Variants in KCNQ3 observed in about 807,000 individuals in gnomAD.
KCNQ3 encodes the protein potassium voltage-gated channel subfamily KQT member 3.
KCNQ3 carries 30 observed loss-of-function variants against 92.5 expected under a neutral mutation model. The ratio of observed to expected loss-of-function variants is 0.32; its 90% confidence interval spans 0.24 to 0.44. The LOEUF is 0.44. Among genes scored for constraint, KCNQ3 ranks in the 20% least tolerant of loss-of-function variants. KCNQ3 has a pLI of 1.00. For missense variants in KCNQ3, 913 were observed against 1,140.3 expected (o/e 0.80, Z 2.87); for synonymous variants, 450 against 468.8 (o/e 0.96, Z 0.52).
In KCNQ3 at chr8:132,206,236, C is replaced by T. The variant is rs78272194; in HGVS notation, c.387-20055G>A. ...CCACCCTATATCACCTGGGTTTCCA[C>T]AGCCTCCCAGCCCTCTAATTCTGCC... On this transcript the variant is annotated intron_variant, in intron 1 of 14. Transcript: ENST00000388996. 6.2e-3 allele frequency among the ~76,000 whole-genome samples: 949 copies of T among 152,246 alleles called. 4 individuals carry two copies. The highest frequency in any genetic ancestry group is 0.031 in the Middle Eastern group (9 of 294).
chr8:132,134,469 G>T, intron 12 of KCNQ3, 81 bp from the exon 13 acceptor site: 2 of 986,728 alleles, frequency 2.0e-6, no homozygotes, highest in Non-Finnish European at 1.6e-6. Flanking sequence ...ATTCTCTCTA[G>T]AATGAGATAA....
intron 1 of KCNQ3, among the ~76,000 whole-genome samples, chr8:132,219,952 C>A (rs1814167121): frequency 6.6e-6 from 1 of 152,044 alleles, no homozygotes; most frequent in African/African-American, 2.4e-5. Context: ...CTGAGGTCCC[C>A]CAGAAAGATA....
At chr8:132,193,323 T>A (rs574907119) in intron 1 of KCNQ3, among the ~76,000 whole-genome samples, 1 of 152,140 alleles carries the variant, frequency 6.6e-6, no homozygotes, top group South Asian at 2.1e-4. Flanking sequence ...CAAGCCCAGG[T>A]TGGGGAGGAC....
chr8:132,389,874 T>A (rs919561507), intron 1 of KCNQ3, among the ~76,000 whole-genome samples: 8 of 152,316 alleles, frequency 5.3e-5, no homozygotes, highest in African/African-American at 1.9e-4. Flanking sequence ...CATTATGTAA[T>A]GTATTTGAAG....
intron 1 of KCNQ3, among the ~76,000 whole-genome samples, chr8:132,472,391 A>T (rs1162335732): frequency 6.6e-6 from 1 of 152,212 alleles, no homozygotes; most frequent in Non-Finnish European, 1.5e-5. Context: ...AGATAAAGAA[A>T]ATATGGTATA....
At position 132,140,143 on chromosome 8, in the gene KCNQ3, C is replaced by T. The variant is rs1159336382; in HGVS notation, c.1501G>A (p.Gly501Ser). The T allele has an allele frequency of 6.2e-7, 1 of 1,613,454 alleles. No individual in the cohort carries two copies. Among genetic ancestry groups the T allele is most frequent in the Non-Finnish European group, 8.5e-7 (1 of 1,179,880 alleles). The change falls in exon 11 of 15, where the codon GGC (glycine) becomes AGC (serine). Residue 501 changes from glycine to serine, a missense_variant. Physicochemically the swap from Gly to Ser is moderately conservative, Grantham distance 56. Around this residue, in one of 6 missense-constraint regions of KCNQ3, gnomAD observed 182 missense variants for 234.5 expected, o/e 0.78. Transcript: ENST00000388996. ...GTGDPMAEDR[G>S]YGNDFPIEDM... ...TCGATGGGGAAGTCATTCCCATAGC[C>T]CCTGTCTTCCGCCATGGGGTCACCT...
chr8:132,466,257 C>A (rs1368082514), intron 1 of KCNQ3, among the ~76,000 whole-genome samples: 1 of 151,880 alleles, frequency 6.6e-6, no homozygotes, highest in Non-Finnish European at 1.5e-5. Context: ...ATCATCACAA[C>A]CCTTAGGCTT....
intron 6 of KCNQ3, among the ~76,000 whole-genome samples, chr8:132,173,745 C>T (rs879642440): frequency 6.6e-6 from 1 of 152,170 alleles, no homozygotes; most frequent in Non-Finnish European, 1.5e-5. Context: ...GGAAGTTACT[C>T]TATCATAGGT....
At chr8:132,309,343 C>T (rs182491687) in intron 1 of KCNQ3, among the ~76,000 whole-genome samples, 1 of 152,318 alleles carries the variant, frequency 6.6e-6, no homozygotes, top group East Asian at 1.9e-4. Context: ...CTCATTAATT[C>T]ATTATTCCAC....
At chr8:132,388,343 T>C (rs1485227109) in intron 1 of KCNQ3, among the ~76,000 whole-genome samples, 1 of 152,206 alleles carries the variant, frequency 6.6e-6, no homozygotes, top group East Asian at 1.9e-4. Flanking sequence ...CTTCTAGGAA[T>C]ACATTCTGAA....
intron 1 of KCNQ3, among the ~76,000 whole-genome samples, chr8:132,458,643 C>T (rs377135012): frequency 2.1e-3 from 313 of 152,202 alleles, no homozygotes; most frequent in African/African-American, 7.2e-3. Flanking sequence ...TTAGTAGAGA[C>T]GGGGTTTCGC....
intron 9 of KCNQ3, among the ~76,000 whole-genome samples, chr8:132,150,949 C>T (rs62519563): frequency 0.051 from 7,658 of 149,560 alleles, 313 homozygotes; most frequent in Non-Finnish European, 0.074. Context: ...TTTCACGTGG[C>T]TTTAATCGTT....
At chr8:132,403,659 G>C (rs1160467236) in intron 1 of KCNQ3, among the ~76,000 whole-genome samples, 1 of 152,122 alleles carries the variant, frequency 6.6e-6, no homozygotes, top group East Asian at 1.9e-4. Context: ...ATTTCCACCA[G>C]CCATCATCTA....
chr8:132,319,759 C>T (rs1817847688), intron 1 of KCNQ3, among the ~76,000 whole-genome samples: 1 of 152,218 alleles, frequency 6.6e-6, no homozygotes. Flanking sequence ...ATGTAATGGG[C>T]TTTCCATCGC....
At chr8:132,337,613 C>T (rs76330119) in intron 1 of KCNQ3, among the ~76,000 whole-genome samples, 5,459 of 152,128 alleles carry the variant, frequency 0.036, 315 homozygotes, top group African/African-American at 0.12. Context: ...TGTTGATTAA[C>T]GGTTTGGGAC....
chr8:132,154,193 GTTTTTTTTTTTTTTT>G lies in KCNQ3; in HGVS notation c.1262+9260_1262+9274del, dbSNP rs869112851. On this transcript the variant is annotated intron_variant, in intron 9 of 14. Coordinates refer to ENST00000388996, the MANE Select transcript of KCNQ3 (RefSeq NM_004519.4). ...CTGATGTACCATCAAAAGGGTAAAA[GTTTTTTTTTTTTTTT>G]TTTTTTTTTTTTTTTAGCCAATCAG... Among the ~76,000 whole-genome samples, 70 of 27,492 alleles carry G rather than the reference GTTTTTTTTTTTTTTT, an allele frequency of 2.5e-3. 1 individual carries two copies. The South Asian group carries it at 0.089, about 35-fold the overall frequency. The allele number at this position is 27,492 out of a possible 152,430, so 18.0% of individuals were successfully genotyped here.
intron 1 of KCNQ3, among the ~76,000 whole-genome samples, chr8:132,296,015 A>G (rs375465742): frequency 2.0e-5 from 3 of 152,258 alleles, no homozygotes; most frequent in Non-Finnish European, 4.4e-5. Flanking sequence ...CATGTTGTGC[A>G]CATGAATCCC....
chr8:132,461,654 C>T lies in KCNQ3; in HGVS notation c.386+18493G>A, dbSNP rs142683132. The stretch of plus-strand genomic sequence containing the variant: ...TTCCCATCAGCAATGAATCACAGTT[C>T]CTGTTGCCCTACATCCTTGTCAACA... On this transcript the variant is annotated intron_variant, in intron 1 of 14. Transcript: ENST00000388996. Among the ~76,000 whole-genome samples, 424 of 152,342 alleles carry T rather than the reference C, an allele frequency of 2.8e-3. 1 individual carries two copies. The highest frequency in any genetic ancestry group is 9.9e-3 in the African/African-American group (410 of 41,584).
chr8:132,262,036 T>C (rs1040828118), intron 1 of KCNQ3, among the ~76,000 whole-genome samples: 1 of 152,208 alleles, frequency 6.6e-6, no homozygotes, highest in African/African-American at 2.4e-5. Context: ...TTAAAAAGAA[T>C]AAAGTACTGA....
Sources: allele counts gnomAD v4.1 joint callset (sites outside exome capture counted in the v4.1 genomes callset), GRCh38; gene constraint gnomAD v4.1.1; regional missense constraint gnomAD v4.1.1; transcripts MANE v1.5; gene names NCBI Gene and HGNC (gene_info 2026-07-23, HGNC 2026-07-21).